Variants in LRBA observed in about 807,000 individuals in gnomAD.
The protein encoded by LRBA is LPS responsive beige-like anchor protein.
A neutral mutation model predicts 330.0 loss-of-function variants in LRBA; 176 were observed. That is an observed-to-expected ratio of 0.53 (90% CI 0.47 to 0.60). The LOEUF (loss-of-function observed/expected upper bound fraction) is 0.60. LRBA is among the 20% of genes least tolerant of loss of function. The probability of loss-of-function intolerance (pLI) is 0.00; values close to 1 mark genes in which losing one functional copy is unlikely to be tolerated. For synonymous variants in LRBA, 1,230 were observed against 1,193.0 expected, an observed-to-expected ratio of 1.03 and a Z score of -0.64; for missense variants, 3,259 against 3,444.8, an observed-to-expected ratio of 0.95 and a Z score of 1.35.
chr4:150,271,882 C>G (rs1360455381), intron 56 of LRBA, among the ~76,000 whole-genome samples: 1 of 152,192 alleles, frequency 6.6e-6, no homozygotes, highest in Non-Finnish European at 1.5e-5. Context: ...AGATAAAACC[C>G]CCATCTCCCT....
At chr4:150,325,735 A>G (rs1443569743) in intron 49 of LRBA, 74 bp downstream of exon 49, 3 of 1,045,204 alleles carry the variant, frequency 2.9e-6, no homozygotes, top group African/African-American at 3.1e-5. Flanking sequence ...CTCAAGCACA[A>G]TGAAAGACTG....
intron 40 of LRBA, chr4:150,579,471 A>G (rs1030663667): frequency 2.3e-5 from 9 of 386,496 alleles, no homozygotes; most frequent in Non-Finnish European, 4.6e-5. Flanking sequence ...ACGGCCATAA[A>G]TTAAAGTCGC....
chr4:150,279,274 T>C (rs1406378641), intron 55 of LRBA, among the ~76,000 whole-genome samples: 3 of 152,206 alleles, frequency 2.0e-5, no homozygotes, highest in Admixed American at 6.5e-5. Context: ...TTACTCCTAA[T>C]TGTCCCTCCC....
At chr4:150,859,985 TAA>T in intron 22 of LRBA, among the ~76,000 whole-genome samples, 1 of 152,332 alleles carries the variant, frequency 6.6e-6, no homozygotes, top group African/African-American at 2.4e-5. Context: ...TAATAGCTGC[TAA>T]AAATTGTTCA....
rs1257366147 is a variant in LRBA, at chr4:150,639,751, A to ATGTGTG, written c.5922-40621_5922-40620insCACACA. Among the ~76,000 whole-genome samples the ATGTGTG allele has an allele frequency of 8.7e-3, 48 of 5,496 alleles. 3 individuals are homozygous for ATGTGTG. The highest frequency in any genetic ancestry group is 0.14 in the Middle Eastern group (2 of 14). The allele number at this position is 5,496 out of a possible 152,430, so 3.6% of individuals were successfully genotyped here. ...CTATGCCCCAAATATATATATATAT[A>ATGTGTG]TATATATATATATATATATATATAT... On this transcript the variant is annotated intron_variant, in intron 37 of 56. Transcript: ENST00000651943.
At chr4:150,510,436 C>G (rs996969674) in intron 40 of LRBA, among the ~76,000 whole-genome samples, 10 of 152,178 alleles carry the variant, frequency 6.6e-5, no homozygotes, top group Admixed American at 6.5e-4. Context: ...GCAGTCTGCA[C>G]TTAAATATTT....
rs376129813 is a variant in LRBA at position 150,755,613 on chromosome 4, A to G, written c.5645+6170T>C. On this transcript the variant is annotated intron_variant, in intron 35 of 56. Transcript: ENST00000651943. ...ATTGTACCTTTAAACTAGGTTTCATAGTCTACTACTTCCCTGATTTTTACT... is the reference window on the plus strand; with the variant it reads ...ATTGTACCTTTAAACTAGGTTTCATGGTCTACTACTTCCCTGATTTTTACT... 5.3e-5 allele frequency among the ~76,000 whole-genome samples: 8 copies of G among 152,216 alleles called. No homozygotes were observed. In the East Asian group the frequency reaches 1.3e-3, roughly 26 times the overall value.
rs1409638451 is a variant in LRBA at position 150,435,634 on chromosome 4, A to G, written c.6996T>C (p.Ile2332=). ...FDHADRTFSS[I]SRAWRNSQRD... ...GCTGACTGTTTCGCCAAGCTCTGGA[A>G]ATTGATGAAAAAGTTCGATCTGCAT... The change falls in exon 46 of 57, where the codon ATT becomes ATC. Residue 2332 remains isoleucine, a synonymous_variant. Transcript: ENST00000651943. 3.7e-6 allele frequency: 6 copies of G among 1,613,206 alleles called. No individual in the cohort carries two copies. Among genetic ancestry groups the G allele is most frequent in the African/African-American group, 1.3e-5 (1 of 74,900 alleles).
intron 40 of LRBA, among the ~76,000 whole-genome samples, chr4:150,570,848 C>T (rs1271716936): frequency 6.6e-6 from 1 of 152,028 alleles, no homozygotes; most frequent in African/African-American, 2.4e-5. Flanking sequence ...TAAAATAGTT[C>T]AAAATTTGTG....
chr4:150,358,292 A>G lies in LRBA; in HGVS notation c.7195-8133T>C, dbSNP rs77931042. ...GCTAATATGCTTTGATAACAGGTAA[A>G]CTGAGTCCCAGGACTAATAACCTCC... On this transcript the variant is annotated intron_variant, in intron 47 of 56. Transcript: ENST00000651943. Among the ~76,000 whole-genome samples the G allele has an allele frequency of 6.6e-3, 1,005 of 152,238 alleles. 9 individuals carry two copies. The highest frequency in any genetic ancestry group is 0.023 in the African/African-American group (961 of 41,576).
chr4:150,764,346 A>C (rs1034763005), intron 34 of LRBA, among the ~76,000 whole-genome samples: 6 of 152,030 alleles, frequency 3.9e-5, no homozygotes, highest in African/African-American at 1.2e-4. Flanking sequence ...AAAATTGAAA[A>C]AGAAGAAATA....
At chr4:150,325,766 T>G in intron 49 of LRBA, 43 bp downstream of exon 49, 1 of 1,299,096 alleles carries the variant, frequency 7.7e-7, no homozygotes, top group Admixed American at 1.7e-5. Context: ...CAAGCGGATC[T>G]GAAGGAGAGG....
At chr4:150,269,652 T>C (rs13134607) in intron 56 of LRBA, among the ~76,000 whole-genome samples, 93,851 of 152,042 alleles carry the variant, frequency 0.62, 29,705 homozygotes, top group South Asian at 0.82. Context: ...CTTCATAAAA[T>C]GTAAAATCAG....
intron 7 of LRBA, 29 bp downstream of exon 7, chr4:150,916,372 C>T: frequency 6.2e-7 from 1 of 1,603,008 alleles, no homozygotes; most frequent in Non-Finnish European, 8.5e-7. Context: ...AGCTTGTTAA[C>T]ATAACTATGA....
chr4:150,647,352 CT>C (rs769403201), intron 37 of LRBA, among the ~76,000 whole-genome samples: 7,494 of 79,540 alleles, frequency 0.094, 217 homozygotes, highest in African/African-American at 0.25. Context: ...ATTACTTTTT[CT>C]TTTTTTTTTT....
In LRBA at chr4:150,436,718, A is replaced by C. The variant is rs749218023; in HGVS notation, c.6921+6T>G. 6.2e-7 allele frequency: 1 copy of C among 1,608,562 alleles called. No individual in the cohort carries two copies. The highest frequency in any genetic ancestry group is 1.7e-5 in the Admixed American group (1 of 59,434). On this transcript the variant is annotated splice_donor_region_variant and intron_variant, in intron 45 of 56. Transcript: ENST00000651943. ...AGCCATGGTGTATTATTCAAATTGA[A>C]CTTACTATTCTTAGCAGCCATGCAA...
At chr4:150,817,394 G>C in intron 30 of LRBA, 137 bp from the exon 31 acceptor site, 1 of 734,146 alleles carries the variant, frequency 1.4e-6, no homozygotes, top group Middle Eastern at 3.5e-4. Flanking sequence ...GTACAATTTA[G>C]ACTTTTCACC....
At chr4:150,762,037 G>A (rs77039547) in intron 34 of LRBA, among the ~76,000 whole-genome samples, 190 bp from the exon 35 acceptor site, 1 of 151,998 alleles carries the variant, frequency 6.6e-6, no homozygotes, top group East Asian at 1.9e-4. Context: ...ATTTGATTCT[G>A]TGTAAATTAA....
intron 44 of LRBA, among the ~76,000 whole-genome samples, chr4:150,445,377 C>CTATATATA (rs10552819): frequency 6.4e-5 from 5 of 78,604 alleles, no homozygotes; most frequent in South Asian, 5.4e-4. Flanking sequence ...CTCTCTCTCT[C>CTATATATA]TATATATATA....
Sources: allele counts gnomAD v4.1 joint callset (sites outside exome capture counted in the v4.1 genomes callset), GRCh38; gene constraint gnomAD v4.1.1; transcripts MANE v1.5; gene names NCBI Gene and HGNC (gene_info 2026-07-23, HGNC 2026-07-21).